Variants in TENM3 observed in about 807,000 individuals in gnomAD.
TENM3 encodes the protein teneurin transmembrane protein 3, also known as teneurin-3.
Under a neutral mutation model 255.1 loss-of-function variants are expected in TENM3, and 63 were observed. That is an observed-to-expected ratio of 0.25 (90% CI 0.20 to 0.30). The LOEUF (loss-of-function observed/expected upper bound fraction) is 0.30. Among genes scored for constraint, TENM3 ranks in the 10% least tolerant of loss-of-function variants. The pLI is 1.00. For missense variants in TENM3, 2,929 were observed against 3,461.1 expected, an observed-to-expected ratio of 0.85 and a Z score of 3.86; for synonymous variants, 1,306 against 1,322.3, an observed-to-expected ratio of 0.99 and a Z score of 0.27.
chr4:182,387,937 CAAAA>C (rs5864781), intron 3 of TENM3, among the ~76,000 whole-genome samples: 7 of 136,718 alleles, frequency 5.1e-5, no homozygotes, highest in Non-Finnish European at 9.5e-5. Context: ...GTGATAATTG[CAAAA>C]AAAAAAAAAA....
chr4:181,585,938 C>T, the TENM3 span, among the ~76,000 whole-genome samples: 70 of 152,230 alleles, frequency 4.6e-4, no homozygotes, highest in African/African-American at 1.5e-3. Context: ...GGCTAGGGGA[C>T]CTGCATCAGG....
intron 3 of TENM3, among the ~76,000 whole-genome samples, chr4:182,536,153 A>G (rs1047199630): frequency 6.6e-6 from 1 of 152,142 alleles, no homozygotes; most frequent in Non-Finnish European, 1.5e-5. Context: ...TAGTAGTAAT[A>G]TTTTTATTTT....
rs1753547346 is a variant in TENM3 at position 182,653,974 on chromosome 4, T to A, written c.1111+81T>A. The A allele has an allele frequency of 1.0e-5, 14 of 1,368,656 alleles. No individual in the cohort carries two copies. The South Asian group carries it at 2.0e-4, about 20-fold the overall frequency. The allele number at this position is 1,368,656 out of a possible 1,614,324, so 84.8% of individuals were successfully genotyped here. ...ATTTATTTTTACCCATGCTTACATC[T>A]AGTTTAGATGGAACAGGGAAAAGTG... On this transcript the variant is annotated intron_variant, in intron 6 of 27. Transcript: ENST00000511685.
rs529634092 is a variant in TENM3, at chr4:182,509,424, C to G, written c.512-91500C>G. On this transcript the variant is annotated intron_variant, in intron 3 of 27. Transcript: ENST00000511685. Reference sequence around the variant, plus strand: ...CAGTGATATTTTTTCATTCTTCACTCTCTCTTGCACATTTATTTGATGCTC... The same window carrying G: ...CAGTGATATTTTTTCATTCTTCACTGTCTCTTGCACATTTATTTGATGCTC... Among the ~76,000 whole-genome samples, 64 of 152,258 alleles carry G rather than the reference C, an allele frequency of 4.2e-4. 1 individual carries two copies. Among genetic ancestry groups the G allele is most frequent in the Admixed American group, 3.4e-3 (52 of 15,276 alleles).
intron 3 of TENM3, among the ~76,000 whole-genome samples, chr4:182,514,876 T>A (rs1005045244): frequency 1.3e-5 from 2 of 152,090 alleles, no homozygotes; most frequent in African/African-American, 4.8e-5. Flanking sequence ...CTCCATAGAA[T>A]ACCAAGCATT....
At chr4:182,608,310 T>C (rs1260179789) in intron 4 of TENM3, among the ~76,000 whole-genome samples, 1 of 152,112 alleles carries the variant, frequency 6.6e-6, no homozygotes, top group Non-Finnish European at 1.5e-5. Flanking sequence ...CTAGAGTGCA[T>C]TGGCACAATC....
the TENM3 span, among the ~76,000 whole-genome samples, chr4:182,103,694 CCTT>C: frequency 6.6e-6 from 1 of 152,176 alleles, no homozygotes; most frequent in Non-Finnish European, 1.5e-5. Flanking sequence ...CAGAAAAACT[CCTT>C]CTTCTGACAT....
chr4:181,586,136 C>A, the TENM3 span, among the ~76,000 whole-genome samples: 1 of 152,162 alleles, frequency 6.6e-6, no homozygotes, highest in Non-Finnish European at 1.5e-5. Flanking sequence ...CACTTCCTAC[C>A]CCACTCTGGC....
At chr4:181,518,600 T>C in the TENM3 span, among the ~76,000 whole-genome samples, 5 of 152,128 alleles carry the variant, frequency 3.3e-5, no homozygotes, top group African/African-American at 4.8e-5. Context: ...GATAATTTTT[T>C]GTATTTTTAG....
intron 3 of TENM3, among the ~76,000 whole-genome samples, chr4:182,488,229 G>A (rs893858524): frequency 5.3e-5 from 8 of 152,112 alleles, no homozygotes; most frequent in Non-Finnish European, 1.0e-4. Flanking sequence ...GAATCAGAGA[G>A]GCAGGAAAGG....
chr4:182,621,768 A>G (rs1367025109), intron 4 of TENM3, among the ~76,000 whole-genome samples: 8 of 83,188 alleles, frequency 9.6e-5, no homozygotes, highest in Admixed American at 4.1e-4. Context: ...TATAATAATT[A>G]TATATTATAT....
At chr4:182,435,973 T>C (rs767030786) in intron 3 of TENM3, among the ~76,000 whole-genome samples, 5 of 152,190 alleles carry the variant, frequency 3.3e-5, no homozygotes, top group Non-Finnish European at 5.9e-5. Context: ...TTATAAATAT[T>C]CTAACTCTAG....
chr4:181,679,467 A>T, the TENM3 span, among the ~76,000 whole-genome samples: 1 of 152,170 alleles, frequency 6.6e-6, no homozygotes, highest in Non-Finnish European at 1.5e-5. Flanking sequence ...TTTTTCTTAC[A>T]TAAAATTCTT....
chr4:182,485,540 C>T (rs746120222), intron 3 of TENM3, among the ~76,000 whole-genome samples: 6 of 152,068 alleles, frequency 3.9e-5, no homozygotes, highest in Non-Finnish European at 8.8e-5. Flanking sequence ...TGCATACATA[C>T]AGTATGTTTA....
intron 1 of TENM3, among the ~76,000 whole-genome samples, chr4:182,307,365 A>C (rs746700352): frequency 1.3e-5 from 2 of 152,176 alleles, no homozygotes; most frequent in Admixed American, 6.5e-5. Context: ...AAGTAGAGAG[A>C]CCAAAAATTA....
chr4:181,536,014 C>T, the TENM3 span, among the ~76,000 whole-genome samples: 1 of 152,070 alleles, frequency 6.6e-6, no homozygotes, highest in Non-Finnish European at 1.5e-5. Context: ...ATCTTATTAC[C>T]AATTGGTAAT....
chr4:181,456,957 T>G, the TENM3 span, among the ~76,000 whole-genome samples: 1 of 151,834 alleles, frequency 6.6e-6, no homozygotes, highest in South Asian at 2.1e-4. Context: ...TGGAGTAATT[T>G]ATTTGCAGAT....
At chr4:182,409,827 TC>T (rs1769853734) in intron 3 of TENM3, among the ~76,000 whole-genome samples, 2 of 151,786 alleles carry the variant, frequency 1.3e-5, no homozygotes, top group Admixed American at 1.3e-4. Flanking sequence ...TTTTCTTTTT[TC>T]TTTTTTTTTT....
chr4:182,791,850 C>G (rs577888230), intron 25 of TENM3, among the ~76,000 whole-genome samples: 1 of 152,252 alleles, frequency 6.6e-6, no homozygotes, highest in East Asian at 1.9e-4. Context: ...GTTCTTCACT[C>G]AGATGAGGGG....
Sources: gnomAD v4.1 joint callset for allele counts (sites outside exome capture counted in the v4.1 genomes callset) on GRCh38, gnomAD v4.1.1 for gene constraint, MANE v1.5 for transcripts, NCBI Gene and HGNC (gene_info 2026-07-23, HGNC 2026-07-21) for gene names.